MLLT1: variants seen among roughly 807,000 people sequenced by gnomAD.
MLLT1 encodes the protein MLLT1 super elongation complex subunit, also known as protein ENL.
MLLT1 carries 11 observed loss-of-function variants against 55.1 expected under a neutral mutation model. The observed-to-expected ratio is 0.20, with a 90% CI of 0.13 to 0.33. The LOEUF is 0.33. Ranked by LOEUF, MLLT1 falls within the 10% of genes least tolerant of loss-of-function variation. The probability of loss-of-function intolerance (pLI) is 1.00; values close to 1 mark genes in which losing one functional copy is unlikely to be tolerated. For missense variants in MLLT1, 536 were observed against 760.6 expected (o/e 0.70, Z 3.47); for synonymous variants, 323 against 320.1 (o/e 1.01, Z -0.10).
rs1286165938 is a variant in MLLT1 at position 6,222,175 on chromosome 19, CT to C, written c.1055del (p.Lys352ArgfsTer86). On this transcript the variant is annotated frameshift_variant, in exon 6 of 12. Transcript: ENST00000252674. LOFTEE classifies it high-confidence loss of function. The surrounding 1 kb of genome is among the most constrained non-coding windows in gnomAD (Gnocchi z 4.1). Reference sequence around the variant, plus strand: ...AGTTGGACTCCTCCACCTCCAGGGCCTTTTTGGCCTCCCGGGGCTCACTCTC... The same window carrying C: ...AGTTGGACTCCTCCACCTCCAGGGCCTTTTGGCCTCCCGGGGCTCACTCTC... ...KAESEPREAKKALEVEESNSE... is the reference protein window; with the variant it reads ...KAESEPREAKXALEVEESNSE... The C allele has an allele frequency of 3.2e-6, 5 of 1,584,348 alleles. No individual in the cohort carries two copies. The highest frequency in any genetic ancestry group is 4.3e-6 in the Non-Finnish European group (5 of 1,164,940).
At position 6,219,281 on chromosome 19, in the gene MLLT1, C is replaced by CCT. The variant is rs2090873457; in HGVS notation, c.1111-1242_1111-1241dup. 6.6e-6 allele frequency among the ~76,000 whole-genome samples: 1 copy of CCT among 152,178 alleles called. No individual in the cohort carries two copies. The highest frequency in any genetic ancestry group is 1.5e-5 in the Non-Finnish European group (1 of 68,028). On this transcript the variant is annotated intron_variant, in intron 6 of 11. Transcript: ENST00000252674. This position sits in a 1 kb window ranked among gnomAD's most constrained non-coding sequence, Gnocchi z 4.5. The stretch of plus-strand genomic sequence containing the variant: ...CCTCAAACCAGCCCCTGCCAGCGCC[C>CCT]CTTCCCACCAACACATGGCGCTCCC...
chr19:6,215,374 T>C (rs972440069), intron 8 of MLLT1, among the ~76,000 whole-genome samples: 2 of 152,226 alleles, frequency 1.3e-5, no homozygotes, highest in African/African-American at 4.8e-5. Flanking sequence ...GGCGGGAGCC[T>C]GCTTCCAGGT....
chr19:6,241,909 G>C (rs961975376), intron 3 of MLLT1, among the ~76,000 whole-genome samples: 1 of 152,112 alleles, frequency 6.6e-6, no homozygotes, highest in African/African-American at 2.4e-5. Context: ...CCTCCCCCTC[G>C]GCCACATCAA....
chr19:6,221,685 G>A (rs1292147204), intron 6 of MLLT1, among the ~76,000 whole-genome samples: 1 of 152,212 alleles, frequency 6.6e-6, no homozygotes, highest in African/African-American at 2.4e-5. Flanking sequence ...TTAACCTCCA[G>A]ACAAGGGTGA....
At chr19:6,224,488 G>A (rs895821362) in intron 5 of MLLT1, among the ~76,000 whole-genome samples, 6 of 152,224 alleles carry the variant, frequency 3.9e-5, no homozygotes, top group African/African-American at 1.4e-4. Flanking sequence ...GGGGACACAC[G>A]CCCAGCTGGG....
chr19:6,234,686 C>T (rs867035644), intron 3 of MLLT1, among the ~76,000 whole-genome samples: 4 of 152,100 alleles, frequency 2.6e-5, no homozygotes, highest in Non-Finnish European at 4.4e-5. Flanking sequence ...AGTCAGAGGG[C>T]GATCCTGAGT....
chr19:6,239,302 C>A (rs1162947186), intron 3 of MLLT1, among the ~76,000 whole-genome samples: 1 of 152,228 alleles, frequency 6.6e-6, no homozygotes, highest in Non-Finnish European at 1.5e-5. Flanking sequence ...GTCCAGGATG[C>A]GATCCGACCG....
intron 2 of MLLT1, among the ~76,000 whole-genome samples, chr19:6,267,307 T>C (rs965780294): frequency 6.6e-6 from 1 of 151,706 alleles, no homozygotes. Context: ...TTTCAGCATA[T>C]TGGCCAGGCT....
At chr19:6,221,391 C>G (rs1285628041) in intron 6 of MLLT1, among the ~76,000 whole-genome samples, 1 of 152,250 alleles carries the variant, frequency 6.6e-6, no homozygotes, top group East Asian at 1.9e-4. Flanking sequence ...TGGCTACCAG[C>G]TCTTGCGGCT....
intron 1 of MLLT1, among the ~76,000 whole-genome samples, chr19:6,271,911 C>T (rs2091397785): frequency 6.6e-6 from 1 of 152,248 alleles, no homozygotes; most frequent in Non-Finnish European, 1.5e-5. Flanking sequence ...GTCCCAGTGG[C>T]TGCAATCCCT....
intron 3 of MLLT1, among the ~76,000 whole-genome samples, chr19:6,248,459 A>T (rs144508140): frequency 2.0e-4 from 30 of 152,320 alleles, no homozygotes; most frequent in African/African-American, 5.8e-4. Flanking sequence ...CCAGGAGATC[A>T]AGGTCAACCT....
At chr19:6,248,264 CA>C (rs2091185287) in intron 3 of MLLT1, among the ~76,000 whole-genome samples, 1 of 152,174 alleles carries the variant, frequency 6.6e-6, no homozygotes, top group Non-Finnish European at 1.5e-5. Flanking sequence ...ACAGACAAAA[CA>C]AAACAGGTTA....
chr19:6,244,598 T>G (rs2091149742), intron 3 of MLLT1, among the ~76,000 whole-genome samples: 1 of 151,946 alleles, frequency 6.6e-6, no homozygotes, highest in African/African-American at 2.4e-5. Context: ...ATAAAAAACG[T>G]TTGCTAGACA....
At chr19:6,242,300 A>T (rs187594222) in intron 3 of MLLT1, among the ~76,000 whole-genome samples, 45 of 152,132 alleles carry the variant, frequency 3.0e-4, no homozygotes, top group African/African-American at 1.0e-3. Context: ...GCGACTGCCT[A>T]GGGCCCCCCA....
chr19:6,235,874 A>C lies in MLLT1; in HGVS notation c.277-5161T>G. 6.7e-6 allele frequency among the ~76,000 whole-genome samples: 1 copy of C among 149,976 alleles called. No homozygotes were observed. Among genetic ancestry groups the C allele is most frequent in the Non-Finnish European group, 1.5e-5 (1 of 67,422 alleles). On this transcript the variant is annotated intron_variant, in intron 3 of 11. Coordinates refer to ENST00000252674, the MANE Select transcript of MLLT1 (RefSeq NM_005934.4). The surrounding 1 kb of genome is among the most constrained non-coding windows in gnomAD (Gnocchi z 5.5). ...CCTCCACCCAGCTCACCCCTTCCTG[A>C]CCCCCACCCGCCCTTATCCCGGCCT...
At chr19:6,253,027 A>C (rs1163533114) in intron 3 of MLLT1, among the ~76,000 whole-genome samples, 1 of 151,890 alleles carries the variant, frequency 6.6e-6, no homozygotes, top group Admixed American at 6.6e-5. Flanking sequence ...ACTTTGGGAG[A>C]CCGAAGTGGG....
chr19:6,234,856 A>G (rs1182665536), intron 3 of MLLT1, among the ~76,000 whole-genome samples: 1 of 152,184 alleles, frequency 6.6e-6, no homozygotes, highest in Non-Finnish European at 1.5e-5. Context: ...CAAACCAAAG[A>G]ATCACAGCGT....
Position 6,213,034 on chromosome 19 carries a change from G to A in MLLT1, c.*8C>T. 1 of 1,613,066 alleles carries A rather than the reference G, an allele frequency of 6.2e-7. No individual in the cohort carries two copies. Among genetic ancestry groups the A allele is most frequent in the South Asian group, 1.1e-5 (1 of 91,058 alleles). On this transcript the variant is annotated 3_prime_UTR_variant, in exon 12 of 12. Transcript: ENST00000252674. ...CCCGGCGGTGGGGGCCCGGCACGCG[G>A]CCCAGGGTCATGTGGCCACGGCCTC...
intron 1 of MLLT1, among the ~76,000 whole-genome samples, chr19:6,277,048 T>C (rs2091431832): frequency 6.6e-6 from 1 of 152,238 alleles, no homozygotes; most frequent in African/African-American, 2.4e-5. Context: ...TAACATTTTG[T>C]GGCATCTGGG....
Sources: gnomAD v4.1 joint callset for allele counts (sites outside exome capture counted in the v4.1 genomes callset) on GRCh38, gnomAD v4.1.1 for gene constraint, Gnocchi (gnomAD v3.1) non-coding constraint, MANE v1.5 for transcripts, NCBI Gene and HGNC (gene_info 2026-07-23, HGNC 2026-07-21) for gene names.